ATP6V0A4: variants seen among roughly 807,000 people sequenced by gnomAD.
ATP6V0A4 encodes the protein ATPase H+ transporting V0 subunit a4.
A neutral mutation model predicts 107.3 loss-of-function variants in ATP6V0A4; 86 were observed. The ratio of observed to expected loss-of-function variants is 0.80; its 90% CI spans 0.67 to 0.96. ATP6V0A4 has a LOEUF of 0.96. Among genes scored for constraint, ATP6V0A4 ranks in the 40% least tolerant of loss-of-function variants. The pLI is 0.00. For missense variants in ATP6V0A4, 908 were observed against 1,045.6 expected (o/e 0.87, Z 1.81); for synonymous variants, 353 against 381.4 (o/e 0.93, Z 0.87).
At chr7:138,721,799 C>A in intron 19 of ATP6V0A4, 98 bp downstream of exon 19, 1 of 1,397,932 alleles carries the variant, frequency 7.2e-7, no homozygotes, top group Non-Finnish European at 1.0e-6. Flanking sequence ...GCTACTGCCC[C>A]GTGGGGCCCT....
chr7:138,793,726 G>A (rs887484566), intron 1 of ATP6V0A4, among the ~76,000 whole-genome samples: 10 of 152,080 alleles, frequency 6.6e-5, no homozygotes, highest in Non-Finnish European at 1.2e-4. Flanking sequence ...GAAAACCTCC[G>A]TATGTTTGGA....
chr7:138,783,153 C>G (rs1300013460), intron 2 of ATP6V0A4, among the ~76,000 whole-genome samples: 1 of 152,106 alleles, frequency 6.6e-6, no homozygotes, highest in Non-Finnish European at 1.5e-5. Context: ...GGGAGCAGGG[C>G]AGCAGCTAAA....
chr7:138,756,036 G>C (rs758778146), intron 9 of ATP6V0A4: 32 of 621,052 alleles, frequency 5.2e-5, no homozygotes, highest in Non-Finnish European at 8.1e-5. Flanking sequence ...TGAGTTGCTG[G>C]GTAAATAAGA....
At chr7:138,771,500 C>T (rs1200253928) in intron 2 of ATP6V0A4, among the ~76,000 whole-genome samples, 2 of 151,474 alleles carry the variant, frequency 1.3e-5, no homozygotes, top group Non-Finnish European at 2.9e-5. Flanking sequence ...CTCCCAGGCT[C>T]AAGTAATCCA....
rs549035381 is a variant in ATP6V0A4 at position 138,786,672 on chromosome 7, T to C, written c.-120-412A>G. 2.0e-4 allele frequency among the ~76,000 whole-genome samples: 31 copies of C among 151,842 alleles called. No homozygotes were observed. The South Asian group carries it at 5.2e-3, about 26-fold the overall frequency. On this transcript the variant is annotated intron_variant, in intron 1 of 21. Coordinates refer to ENST00000310018, the MANE Select transcript of ATP6V0A4 (RefSeq NM_020632.3). ...GCCTAAGGAGAGAGAGAGAGACAGA[T>C]TGAGAGAGAGAGATTCTCCCTATGT...
chr7:138,755,907 C>T (rs1467895532), intron 9 of ATP6V0A4, 125 bp from the exon 10 acceptor site: 12 of 1,513,314 alleles, frequency 7.9e-6, no homozygotes, highest in African/African-American at 4.1e-5. Context: ...AGAATAACTG[C>T]GTCTTTGGCC....
intron 14 of ATP6V0A4, among the ~76,000 whole-genome samples, chr7:138,744,391 C>T (rs936047585): frequency 2.6e-5 from 4 of 152,032 alleles, no homozygotes; most frequent in African/African-American, 9.7e-5. Flanking sequence ...GCATGTGCCA[C>T]CATGCCCAGC....
chr7:138,713,292 A>G (rs1384748611), intron 20 of ATP6V0A4, among the ~76,000 whole-genome samples: 1 of 151,150 alleles, frequency 6.6e-6, no homozygotes, highest in Non-Finnish European at 1.5e-5. Flanking sequence ...AAAAAAAAAA[A>G]AAAAAAAGAT....
Position 138,735,065 on chromosome 7 carries a change from G to A in ATP6V0A4, c.1573-811C>T, listed in dbSNP as rs115820996. Among the ~76,000 whole-genome samples, 695 of 152,258 alleles carry A rather than the reference G, an allele frequency of 4.6e-3. 9 individuals carry two copies. Among genetic ancestry groups the A allele is most frequent in the African/African-American group, 0.016 (657 of 41,564 alleles). On this transcript the variant is annotated intron_variant, in intron 15 of 21. Coordinates refer to ENST00000310018, the MANE Select transcript of ATP6V0A4 (RefSeq NM_020632.3). ...TGGCCCATTTTAAACAGCACTGCCA[G>A]GTGGGGATCATGTGTACCTGTCCTG...
chr7:138,751,601 GA>G (rs970373182), intron 11 of ATP6V0A4, among the ~76,000 whole-genome samples: 1 of 151,508 alleles, frequency 6.6e-6, no homozygotes, highest in Non-Finnish European at 1.5e-5. Context: ...TCCCTTTCTA[GA>G]ATGTCTATCA....
At chr7:138,794,870 T>C (rs1808582364) in intron 1 of ATP6V0A4, among the ~76,000 whole-genome samples, 1 of 151,134 alleles carries the variant, frequency 6.6e-6, no homozygotes, top group African/African-American at 2.4e-5. Flanking sequence ...GGGTTAATAG[T>C]TATCATTGGC....
intron 4 of ATP6V0A4, 89 bp from the exon 5 acceptor site, chr7:138,768,963 C>T (rs1807229221): frequency 6.3e-7 from 1 of 1,584,474 alleles, no homozygotes; most frequent in Non-Finnish European, 8.6e-7. Context: ...GTGCCTTTCA[C>T]TCAGCTCAGC....
intron 5 of ATP6V0A4, among the ~76,000 whole-genome samples, chr7:138,767,645 AAAAAAAAAAAAAAAACCCAGCCAGAG>A (rs1416109909): frequency 7.4e-6 from 1 of 134,762 alleles, no homozygotes; most frequent in East Asian, 2.0e-4. Context: ...AGTTATCTTC[AAAAAAAAAAAAAAAACCCAGCCAGAG>A]AAAAGGCTCA....
At position 138,747,494 on chromosome 7, in the gene ATP6V0A4, C is replaced by T. The variant is rs561573936; in HGVS notation, c.1251G>A (p.Val417=). The T allele has an allele frequency of 1.2e-6, 2 of 1,614,140 alleles. No homozygotes were observed. Among genetic ancestry groups the T allele is most frequent in the Admixed American group, 3.3e-5 (2 of 60,014 alleles). ...VMFGDCGHGT[V]MLLAALWMIL... ...TCATCCAAAGTGCAGCCAGGAGCAT[C>T]ACGGTTCCATGACCACAGTCTCCAA... Residue 417 remains valine (V), a synonymous_variant, in exon 13 of 22, where the codon GTG becomes GTA. Coordinates refer to ENST00000310018, the MANE Select transcript of ATP6V0A4 (RefSeq NM_020632.3).
At chr7:138,756,781 G>A (rs893195385) in intron 8 of ATP6V0A4, among the ~76,000 whole-genome samples, 2 of 152,114 alleles carry the variant, frequency 1.3e-5, no homozygotes, top group African/African-American at 4.8e-5. Flanking sequence ...ATGCTGGTTG[G>A]ACCACAGCCA....
intron 7 of ATP6V0A4, among the ~76,000 whole-genome samples, chr7:138,761,565 A>T (rs951511206): frequency 6.6e-6 from 1 of 151,682 alleles, no homozygotes; most frequent in Non-Finnish European, 1.5e-5. Context: ...TGGGAGGCGG[A>T]GTTTGCAGTA....
chr7:138,728,685 C>T lies in ATP6V0A4; in HGVS notation c.2010+76G>A, dbSNP rs1207773018. 5.0e-6 allele frequency: 8 copies of T among 1,600,304 alleles called. No individual in the cohort carries two copies. In the South Asian group the frequency reaches 7.7e-5, roughly 15 times the overall value. On this transcript the variant is annotated intron_variant, in intron 18 of 21. Transcript: ENST00000310018. Reference sequence around the variant, plus strand: ...CCCTGGCAGCCCAGGACGATTCTCTCTAAACCCAAGATTCATCTTTCCAGA... The same window carrying T: ...CCCTGGCAGCCCAGGACGATTCTCTTTAAACCCAAGATTCATCTTTCCAGA...
intron 7 of ATP6V0A4, among the ~76,000 whole-genome samples, chr7:138,761,735 A>C (rs1449804910): frequency 3.3e-5 from 5 of 151,768 alleles, no homozygotes; most frequent in South Asian, 2.1e-4. Context: ...GCTAGAGTGC[A>C]GTGGCACGAT....
Position 138,756,543 on chromosome 7 carries a change from G to C in ATP6V0A4, c.640-3C>G. On this transcript the variant is annotated splice_region_variant and splice_polypyrimidine_tract_variant and intron_variant, in intron 8 of 21. Transcript: ENST00000310018. The stretch of plus-strand genomic sequence containing the variant: ...ATGTTCTTCTGAATTTCTTCTTTCT[G>C]GAAAATCAGAATAAGTTAAAAAAAA... 1 of 1,597,212 alleles carries C rather than the reference G, an allele frequency of 6.3e-7. No homozygotes were observed. The highest frequency in any genetic ancestry group is 8.5e-7 in the Non-Finnish European group (1 of 1,171,650).
Sources: gnomAD v4.1 joint callset for allele counts (sites outside exome capture counted in the v4.1 genomes callset) on GRCh38, gnomAD v4.1.1 for gene constraint, MANE v1.5 for transcripts, NCBI Gene and HGNC (gene_info 2026-07-23, HGNC 2026-07-21) for gene names.